DSC3: variants seen among roughly 807,000 people sequenced by gnomAD.
DSC3 encodes the protein desmocollin-3.
A neutral mutation model predicts 89.5 loss-of-function variants in DSC3; 97 were observed. That is an observed-to-expected ratio of 1.08 (90% confidence interval 0.92 to 1.28). The LOEUF (loss-of-function observed/expected upper bound fraction) is 1.28. DSC3 is among the 50% of genes most tolerant of loss of function. The pLI is 0.00. For synonymous variants in DSC3, 436 were observed against 384.1 expected (o/e 1.14, Z -1.58); for missense variants, 1,199 against 1,085.3 (o/e 1.10, Z -1.47).
chr18:31,042,689 CG>C lies in DSC3; in HGVS notation c.-30del. The C allele has an allele frequency of 6.5e-7, 1 of 1,544,878 alleles. No individual in the cohort carries two copies. The highest frequency in any genetic ancestry group is 8.7e-7 in the Non-Finnish European group (1 of 1,143,978). Reference sequence around the variant, plus strand: ...GATGCCGGGCAGGGCCAGGAGAACGCGGGCGCCGGGAGGGTGCCGAGAGCGA... The same window carrying C: ...GATGCCGGGCAGGGCCAGGAGAACGCGGCGCCGGGAGGGTGCCGAGAGCGA... On this transcript the variant is annotated 5_prime_UTR_variant, in exon 1 of 16. Transcript: ENST00000360428.
At chr18:31,024,263 G>A (rs1193823100) in intron 6 of DSC3, 86 bp downstream of exon 6, 1 of 1,302,136 alleles carries the variant, frequency 7.7e-7, no homozygotes, top group Non-Finnish European at 1.0e-6. Context: ...GGCTGATCTG[G>A]CCTTGAGTAT....
At chr18:31,042,042 C>T (rs544882187) in intron 1 of DSC3, among the ~76,000 whole-genome samples, 1 of 152,096 alleles carries the variant, frequency 6.6e-6, no homozygotes, top group Non-Finnish European at 1.5e-5. Flanking sequence ...TTCTGAATAC[C>T]CTTTAGGGGA....
rs201032308 is a variant in DSC3 at position 31,022,337 on chromosome 18, T to A, written c.941A>T (p.Glu314Val). ...ITTVSHYLDREVVDKYSLIMK... is the reference protein window; with the variant it reads ...ITTVSHYLDRVVVDKYSLIMK... ...AATTCTATGGAGTGTGTGAGCTACC[T>A]CTCTGTCCAAATAATGAGAGACTGT... Residue 314 changes from glutamate to valine, a missense_variant and splice_region_variant, in exon 7 of 16, where the codon GAG (glutamate) becomes GTG (valine). By Grantham distance (121) the Glu-to-Val change is moderately radical (BLOSUM62 -2). Transcript: ENST00000360428. 2 of 1,613,934 alleles carry A rather than the reference T, an allele frequency of 1.2e-6. No individual in the cohort carries two copies. Among genetic ancestry groups the A allele is most frequent in the East Asian group, 2.2e-5 (1 of 44,866 alleles).
At position 30,989,412 on chromosome 18, in the gene DSC3, G is replaced by A. The variant is rs1001342880; in HGVS notation, c.*4763C>T. On this transcript the variant is annotated 3_prime_UTR_variant, in exon 16 of 16. Coordinates refer to ENST00000360428, the MANE Select transcript of DSC3 (RefSeq NM_001941.5). ...AATGTCCAGAGTAGGCAAATCCATAGAGACAGAAAAGATATCAGTGGTTGC... is the reference window on the plus strand; with the variant it reads ...AATGTCCAGAGTAGGCAAATCCATAAAGACAGAAAAGATATCAGTGGTTGC... Among the ~76,000 whole-genome samples, 4 of 152,258 alleles carry A rather than the reference G, an allele frequency of 2.6e-5. No homozygotes were observed. The highest frequency in any genetic ancestry group is 2.9e-5 in the Non-Finnish European group (2 of 68,026).
intron 12 of DSC3, 105 bp downstream of exon 12, chr18:31,006,802 T>C: frequency 1.1e-6 from 1 of 890,592 alleles, no homozygotes; most frequent in Non-Finnish European, 1.8e-6. Flanking sequence ...AATATATTAA[T>C]GAGACTCAGT....
chr18:31,024,804 T>C (rs1985543677), intron 5 of DSC3, among the ~76,000 whole-genome samples: 1 of 152,150 alleles, frequency 6.6e-6, no homozygotes, highest in African/African-American at 2.4e-5. Flanking sequence ...CAGAAAATTA[T>C]GCTGGAGAGA....
rs752266679 is a variant in DSC3 at position 30,991,685 on chromosome 18, A to G, written c.*2490T>C. 1 of 152,166 alleles carries G rather than the reference A, an allele frequency of 6.6e-6. No homozygotes were observed. The highest frequency in any genetic ancestry group is 1.5e-5 in the Non-Finnish European group (1 of 68,030). 9.4% of individuals were successfully genotyped at this position (152,166 alleles called of 1,614,324 possible). A position where few individuals can be genotyped will look rare whatever the true frequency, so the allele number is the denominator to read the frequency against. On this transcript the variant is annotated 3_prime_UTR_variant, in exon 16 of 16. Transcript: ENST00000360428. ...CGTTAGATAAAACTGGCTTCTGGAT[A>G]CAGCAGGAAATTTCAGCAACTAGGC... is the stretch of plus-strand genomic sequence containing the variant.
In DSC3 at chr18:30,994,025, A is replaced by AAAG; in HGVS notation, c.*149_*150insCTT. 1 of 782,262 alleles carries AAAG rather than the reference A, an allele frequency of 1.3e-6. No individual in the cohort carries two copies. The highest frequency in any genetic ancestry group is 2.1e-6 in the Non-Finnish European group (1 of 485,536). 48.5% of individuals were successfully genotyped at this position (782,262 alleles called of 1,614,324 possible). A position where few individuals can be genotyped will look rare whatever the true frequency, so the allele number is the denominator to read the frequency against. On this transcript the variant is annotated 3_prime_UTR_variant, in exon 16 of 16. Coordinates refer to ENST00000360428, the MANE Select transcript of DSC3 (RefSeq NM_001941.5). Reference sequence around the variant, plus strand: ...CACTTTTTGGAAAAGATAAGCAACAACTTGCTTTAAAAATATAAATTGGTG... The same window carrying AAAG: ...CACTTTTTGGAAAAGATAAGCAACAAAAGCTTGCTTTAAAAATATAAATTGGTG...
At chr18:31,017,033 CA>C (rs1356296086) in intron 9 of DSC3, among the ~76,000 whole-genome samples, 1 of 152,140 alleles carries the variant, frequency 6.6e-6, no homozygotes, top group African/African-American at 2.4e-5. Context: ...TAATAAAAAA[CA>C]AAAGCAGTCA....
At chr18:30,999,837 T>G (rs1366060581) in intron 14 of DSC3, among the ~76,000 whole-genome samples, 1 of 152,134 alleles carries the variant, frequency 6.6e-6, no homozygotes, top group East Asian at 1.9e-4. Flanking sequence ...AAGATGAAAT[T>G]TTATGTTTTT....
In DSC3 at chr18:31,010,716, G is replaced by A. The variant is rs144341894; in HGVS notation, c.1264-2191C>T. On this transcript the variant is annotated intron_variant, in intron 9 of 15. Transcript: ENST00000360428. ...GTATAGTTGTGGAAATGGAGCTGAG[G>A]ACTCTCCATGTTGAGAAGGACCAAG... Among the ~76,000 whole-genome samples the A allele has an allele frequency of 8.5e-3, 1,301 of 152,196 alleles. 23 individuals carry two copies. The highest frequency in any genetic ancestry group is 0.03 in the African/African-American group (1,251 of 41,524).
chr18:30,997,048 A>C lies in DSC3; in HGVS notation c.2236T>G (p.Cys746Gly), dbSNP rs762288860. ...TGGGTCATAAATCCATTGGCAGAGC[A>C]CTGAAATAATAAAATGAAATAATTC... is the stretch of plus-strand genomic sequence containing the variant. The part of the protein sequence containing the change: ...NTEAPGDDRV[C>G]SANGFMTQTT... The change falls in exon 15 of 16, where the codon TGC becomes GGC. Residue 746 changes from cysteine to glycine, a missense_variant and splice_region_variant. Coordinates refer to ENST00000360428, the MANE Select transcript of DSC3 (RefSeq NM_001941.5). 5.6e-6 allele frequency: 9 copies of C among 1,614,092 alleles called. No individual in the cohort carries two copies. Among genetic ancestry groups the C allele is most frequent in the Non-Finnish European group, 6.8e-6 (8 of 1,180,032 alleles).
Position 31,024,456 on chromosome 18 carries a change from G to C in DSC3, c.668C>G (p.Ala223Gly). 5 of 1,612,700 alleles carry C rather than the reference G, an allele frequency of 3.1e-6. No homozygotes were observed. The highest frequency in any genetic ancestry group is 4.2e-6 in the Non-Finnish European group (5 of 1,179,284). ...GATGGGTAGTGGGAGGGGCAGATCT[G>C]CTGAATATCCATCTGCAGTTGACGC... ...AYASTADGYS[A>G]DLPLPLPIRV... Residue 223 changes from alanine (A) to glycine (G), a missense_variant, in exon 6 of 16, where the codon GCA becomes GGA. Physicochemically the swap from Ala to Gly is moderately conservative, Grantham distance 60. Transcript: ENST00000360428.
At chr18:31,018,434 C>A (rs1985307394) in intron 8 of DSC3, among the ~76,000 whole-genome samples, 178 bp from the exon 9 acceptor site, 1 of 151,996 alleles carries the variant, frequency 6.6e-6, no homozygotes, top group African/African-American at 2.4e-5. Flanking sequence ...AGAAAAGTTT[C>A]ATTACAAATG....
chr18:31,028,462 T>A (rs1985675114), intron 4 of DSC3, among the ~76,000 whole-genome samples: 1 of 152,178 alleles, frequency 6.6e-6, no homozygotes, highest in Admixed American at 6.6e-5. Flanking sequence ...AGAAATCATT[T>A]CTTAATATGC....
intron 15 of DSC3, among the ~76,000 whole-genome samples, chr18:30,995,996 A>AAAAAG (rs1555631968): frequency 3.7e-5 from 5 of 136,478 alleles, no homozygotes; most frequent in Admixed American, 7.7e-5. Context: ...AAAAAAAAAA[A>AAAAAG]AAAGAAAAGA....
chr18:31,006,534 A>C (rs1164251346), intron 12 of DSC3, among the ~76,000 whole-genome samples: 1 of 152,080 alleles, frequency 6.6e-6, no homozygotes, highest in Admixed American at 6.6e-5. Context: ...TCCTGACCTC[A>C]AGTGATCCAC....
At chr18:31,008,246 T>C (rs755787222) in intron 10 of DSC3, 23 bp downstream of exon 10, 6 of 1,613,112 alleles carry the variant, frequency 3.7e-6, no homozygotes, top group Non-Finnish European at 5.1e-6. Context: ...ATTATTAGTA[T>C]GTGGTTATAG....
At chr18:31,012,816 T>C (rs1392403415) in intron 9 of DSC3, among the ~76,000 whole-genome samples, 1 of 152,164 alleles carries the variant, frequency 6.6e-6, no homozygotes, top group African/African-American at 2.4e-5. Context: ...TTTTTGTGGA[T>C]ATGGATGTAA....
Sources: allele counts gnomAD v4.1 joint callset (sites outside exome capture counted in the v4.1 genomes callset), GRCh38; gene constraint gnomAD v4.1.1; transcripts MANE v1.5; gene names NCBI Gene and HGNC (gene_info 2026-07-23, HGNC 2026-07-21).